Variants in HSPA12A observed in about 807,000 individuals in gnomAD.
The protein encoded by HSPA12A is heat shock 70 kDa protein 12A.
HSPA12A carries 28 observed loss-of-function variants against 69.2 expected under a neutral mutation model. The observed-to-expected ratio is 0.40, with a 90% CI of 0.30 to 0.55. The LOEUF (loss-of-function observed/expected upper bound fraction) is 0.55. Among genes scored for constraint, HSPA12A ranks in the 20% least tolerant of loss-of-function variants. The pLI, the probability that HSPA12A is intolerant of heterozygous loss-of-function variation, is 0.38. For synonymous variants in HSPA12A, 345 were observed against 370.5 expected (o/e 0.93, Z 0.79); for missense variants, 686 against 900.7 (o/e 0.76, Z 3.05).
At chr10:116,772,007 T>C (rs1204932429) in intron 2 of HSPA12A, among the ~76,000 whole-genome samples, 2 of 152,120 alleles carry the variant, frequency 1.3e-5, no homozygotes, top group African/African-American at 4.8e-5. Context: ...CCAGGTGAGC[T>C]ACACTCAATA....
chr10:116,732,866 A>G (rs1436067261), intron 1 of HSPA12A, among the ~76,000 whole-genome samples: 6 of 152,172 alleles, frequency 3.9e-5, no homozygotes, highest in African/African-American at 1.4e-4. Flanking sequence ...GAAAGCATGC[A>G]GAGGGAGTCG....
chr10:116,680,826 C>A (rs1403946373), intron 9 of HSPA12A, among the ~76,000 whole-genome samples: 2 of 152,132 alleles, frequency 1.3e-5, no homozygotes, highest in Non-Finnish European at 2.9e-5. Context: ...TGAGGCCTCC[C>A]TAGAAAGTTC....
intron 1 of HSPA12A, among the ~76,000 whole-genome samples, chr10:116,847,800 G>T (rs1310568370): frequency 6.6e-6 from 1 of 152,146 alleles, no homozygotes; most frequent in African/African-American, 2.4e-5. Context: ...GTTATAGGGG[G>T]AGACTCTTAA....
At chr10:116,694,938 C>A (rs2132947247) in intron 5 of HSPA12A, among the ~76,000 whole-genome samples, 1 of 152,198 alleles carries the variant, frequency 6.6e-6, no homozygotes, top group African/African-American at 2.4e-5. Flanking sequence ...ACCACCCAGT[C>A]CCCTCCCTTC....
intron 7 of HSPA12A, among the ~76,000 whole-genome samples, chr10:116,682,861 C>A (rs1290738422): frequency 7.7e-6 from 1 of 129,922 alleles, no homozygotes; most frequent in African/African-American, 3.0e-5. Flanking sequence ...CCACCTCGCC[C>A]GGCTAATTTT....
At chr10:116,698,412 T>A (rs1656003034) in intron 5 of HSPA12A, 1 of 423,004 alleles carries the variant, frequency 2.4e-6, no homozygotes, top group African/African-American at 2.0e-5. Context: ...TGTGCTTTAC[T>A]TTTTTAGGAA....
At chr10:116,770,407 A>C (rs1243022876) in intron 2 of HSPA12A, among the ~76,000 whole-genome samples, 1 of 152,232 alleles carries the variant, frequency 6.6e-6, no homozygotes, top group Non-Finnish European at 1.5e-5. Flanking sequence ...GGGGCGGATC[A>C]GAGGCTCAGC....
rs140160132 is a variant in HSPA12A at position 116,726,027 on chromosome 10, G to GCGCGCGCACACACACACA, written c.40+16402_40+16403insTGTGTGTGTGTGCGCGCG. On this transcript the variant is annotated intron_variant, in intron 1 of 11. Transcript: ENST00000369209. Reference sequence around the variant, plus strand: ...ACAAGGTTTAGACACACACACACACGCACACACACACACACACACACACAC... The same window carrying GCGCGCGCACACACACACA: ...ACAAGGTTTAGACACACACACACACGCGCGCGCACACACACACACACACACACACACACACACACACAC... 1.1e-4 allele frequency among the ~76,000 whole-genome samples: 16 copies of GCGCGCGCACACACACACA among 146,222 alleles called. No homozygotes were observed. In the South Asian group the frequency reaches 2.4e-3, roughly 22 times the overall value.
intron 2 of HSPA12A, among the ~76,000 whole-genome samples, chr10:116,821,741 G>A (rs1589725818): frequency 6.6e-6 from 1 of 152,292 alleles, no homozygotes; most frequent in East Asian, 1.9e-4. Flanking sequence ...CTGCATGAGA[G>A]GAAAGCCTGG....
At chr10:116,835,997 C>T (rs748422872) in intron 1 of HSPA12A, among the ~76,000 whole-genome samples, 5 of 152,088 alleles carry the variant, frequency 3.3e-5, no homozygotes, top group Admixed American at 2.6e-4. Flanking sequence ...AAAGAGAAAA[C>T]GGCTCATCAT....
intron 1 of HSPA12A, among the ~76,000 whole-genome samples, chr10:116,740,360 A>G (rs1851447819): frequency 6.6e-6 from 1 of 152,152 alleles, no homozygotes; most frequent in Non-Finnish European, 1.5e-5. Context: ...GCCAGGGGCA[A>G]GCCAACTCTG....
chr10:116,755,099 G>A lies in HSPA12A; in HGVS notation c.92-47814C>T, dbSNP rs545651429. Among the ~76,000 whole-genome samples, 4 of 152,044 alleles carry A rather than the reference G, an allele frequency of 2.6e-5. No homozygotes were observed. In the South Asian group the frequency reaches 8.3e-4, roughly 32 times the overall value. On this transcript the variant is annotated intron_variant, in intron 2 of 12. Transcript: ENST00000635765. ...CTCTAGAGTAGCTGGGATTACAGGCGCCTGCCACCATGCCCAGCTAATTTT... is the reference window on the plus strand; with the variant it reads ...CTCTAGAGTAGCTGGGATTACAGGCACCTGCCACCATGCCCAGCTAATTTT...
At chr10:116,805,022 C>T (rs1397477530) in intron 2 of HSPA12A, among the ~76,000 whole-genome samples, 1 of 152,068 alleles carries the variant, frequency 6.6e-6, no homozygotes, top group Admixed American at 6.6e-5. Context: ...CCATTAAAAC[C>T]GCAGGGAATG....
At chr10:116,745,480 A>G (rs1301479143), upstream of HSPA12A, among the ~76,000 whole-genome samples, 1 of 151,680 alleles carries the variant, frequency 6.6e-6, no homozygotes, top group East Asian at 1.9e-4. Context: ...TCCACCCTCC[A>G]CACCCTCCAC....
intron 2 of HSPA12A, among the ~76,000 whole-genome samples, chr10:116,807,337 ACTCT>A (rs1042832994): frequency 3.3e-5 from 5 of 150,484 alleles, no homozygotes; most frequent in African/African-American, 1.2e-4. Flanking sequence ...TCTCCAAGGG[ACTCT>A]CTGTTTCTGG....
chr10:116,834,272 C>T (rs1188917262), intron 2 of HSPA12A, among the ~76,000 whole-genome samples: 3 of 152,180 alleles, frequency 2.0e-5, no homozygotes, highest in Non-Finnish European at 2.9e-5. Flanking sequence ...CTACAACTGA[C>T]CTGCCAGGAC....
intron 6 of HSPA12A, among the ~76,000 whole-genome samples, chr10:116,684,338 G>A (rs1849513781): frequency 6.6e-6 from 1 of 152,112 alleles, no homozygotes; most frequent in Admixed American, 6.5e-5. Context: ...TGAAGGCATG[G>A]AGTTGCAGAG....
chr10:116,727,752 G>GTTT (rs71859215), intron 1 of HSPA12A, among the ~76,000 whole-genome samples: 36,957 of 131,086 alleles, frequency 0.28, 5,305 homozygotes, highest in South Asian at 0.47. Flanking sequence ...ATGTAAGTGG[G>GTTT]TTTTTTTTTT....
chr10:116,675,385 A>T lies in HSPA12A; in HGVS notation c.1424T>A (p.Val475Asp). 6.2e-7 allele frequency: 1 copy of T among 1,606,962 alleles called. No homozygotes were observed. The highest frequency in any genetic ancestry group is 8.5e-7 in the Non-Finnish European group (1 of 1,177,132). ...DLFQKPEVST[V>D]KFLFLVGGFA... ...GCCGCCCACCAGAAAGAGGAACTTG[A>T]CGGTGGACACCTCGGGCTTCTGAAA... Residue 475 changes from valine to aspartate, a missense_variant, in exon 12 of 12, where the codon GTC (valine) becomes GAC (aspartate). By Grantham distance (152) the Val-to-Asp change is radical. Coordinates refer to ENST00000369209, the MANE Select transcript of HSPA12A (RefSeq NM_025015.3). The surrounding 1 kb of genome is among the most constrained non-coding windows in gnomAD (Gnocchi z 5.2).
Sources: allele counts gnomAD v4.1 joint callset (sites outside exome capture counted in the v4.1 genomes callset), GRCh38; gene constraint gnomAD v4.1.1; non-coding constraint Gnocchi (gnomAD v3.1); transcripts MANE v1.5; gene names NCBI Gene and HGNC (gene_info 2026-07-23, HGNC 2026-07-21).